HEPH: variants seen among roughly 807,000 people sequenced by gnomAD.
HEPH encodes hephaestin.
In HEPH, 69 loss-of-function variants were observed where a neutral mutation model predicts 80.8. The ratio of observed to expected loss-of-function variants is 0.85; its 90% CI spans 0.70 to 1.04. The LOEUF is 1.04. HEPH is among the 50% of genes least tolerant of loss of function. The probability of loss-of-function intolerance (pLI) is 0.00; values close to 1 mark genes in which losing one functional copy is unlikely to be tolerated. For missense variants in HEPH, 1,115 were observed against 891.3 expected, an observed-to-expected ratio of 1.25 and a Z score of -3.20; for synonymous variants, 431 against 322.8, an observed-to-expected ratio of 1.34 and a Z score of -3.60.
chrX:66,260,051 A>AT (rs759904763), intron 18 of HEPH, 49 bp from the exon 19 acceptor site: 2 of 1,147,000 alleles, frequency 1.7e-6, no homozygotes, highest in South Asian at 3.7e-5. Context: ...CTCTAAGATG[A>AT]TTTTTATACC....
intron 4 of HEPH, among the ~76,000 whole-genome samples, chrX:66,181,147 C>T (rs202074964): frequency 5.6e-5 from 1 of 17,784 alleles, no homozygotes; most frequent in African/African-American, 5.8e-4. Flanking sequence ...TGAATAGTGC[C>T]GCAATAAACA....
intron 15 of HEPH, among the ~76,000 whole-genome samples, chrX:66,251,079 T>C (rs1447649781): frequency 2.7e-5 from 3 of 111,956 alleles, no homozygotes; most frequent in Non-Finnish European, 5.6e-5. Context: ...AGATAGGTTT[T>C]GCCATGTTAG....
At chrX:66,250,657 G>A (rs1457722898) in intron 15 of HEPH, among the ~76,000 whole-genome samples, 1 of 111,338 alleles carries the variant, frequency 9.0e-6, no homozygotes, top group Admixed American at 9.6e-5. Context: ...TATATAAATG[G>A]AATAATACAG....
chrX:66,245,836 C>T (rs1452365771), intron 15 of HEPH, among the ~76,000 whole-genome samples: 30 of 112,352 alleles, frequency 2.7e-4, no homozygotes, highest in Admixed American at 2.5e-3. Context: ...TCACTCAAAA[C>T]CGCTCAACTA....
chrX:66,206,805 C>G (rs1286154995), intron 13 of HEPH, among the ~76,000 whole-genome samples: 1 of 109,918 alleles, frequency 9.1e-6, no homozygotes, highest in Non-Finnish European at 1.9e-5. Flanking sequence ...CATCTGAGGT[C>G]AGGAGTTCAA....
At chrX:66,239,014 G>C (rs1349956812) in intron 15 of HEPH, among the ~76,000 whole-genome samples, 1 of 112,418 alleles carries the variant, frequency 8.9e-6, no homozygotes. Context: ...GGGTGGGCCA[G>C]GTGTTCCTTG....
intron 4 of HEPH, among the ~76,000 whole-genome samples, chrX:66,178,677 G>T (rs1417382816): frequency 6.2e-5 from 7 of 112,165 alleles, no homozygotes; most frequent in African/African-American, 9.7e-5. Context: ...GTTTTGATTT[G>T]CATTTCTCTG....
chrX:66,196,310 A>C lies in HEPH; in HGVS notation c.1501+1081A>C, dbSNP rs754264045. Among the ~76,000 whole-genome samples the C allele has an allele frequency of 7.2e-5, 8 of 111,232 alleles. No homozygotes were observed. The East Asian group carries it at 2.3e-3, about 31-fold the overall frequency. The stretch of plus-strand genomic sequence containing the variant: ...TGTGTGTAGATGTATATACACATAG[A>C]GTAGATAAATAAAGATGGCAAAATG... On this transcript the variant is annotated intron_variant, in intron 9 of 20. Transcript: ENST00000343002.
At chrX:66,246,412 A>T (rs1478099247) in intron 15 of HEPH, among the ~76,000 whole-genome samples, 1 of 111,284 alleles carries the variant, frequency 9.0e-6, no homozygotes, top group Non-Finnish European at 1.9e-5. Flanking sequence ...CTGTCTGATG[A>T]GGGGCAGTAG....
chrX:66,235,426 T>C lies in HEPH; in HGVS notation c.2564-19609T>C, dbSNP rs771352184. On this transcript the variant is annotated intron_variant, in intron 15 of 20. Transcript: ENST00000343002. ...AGTCTTCTGCATATGGCTAGTGAGT[T>C]ATCCTAGCACCATTTATTCAATTAG... Among the ~76,000 whole-genome samples the C allele has an allele frequency of 5.3e-5, 6 of 112,230 alleles. No homozygotes were observed. The South Asian group carries it at 2.2e-3, about 42-fold the overall frequency.
chrX:66,238,524 G>T (rs1185856130), intron 15 of HEPH, among the ~76,000 whole-genome samples: 2 of 111,096 alleles, frequency 1.8e-5, no homozygotes, highest in Non-Finnish European at 3.8e-5. Flanking sequence ...CAGCCTGCAT[G>T]ACAAAGTGAG....
Position 66,238,143 on chromosome X carries a change from G to T in HEPH, c.2564-16892G>T, listed in dbSNP as rs777164850. Among the ~76,000 whole-genome samples, 28 of 111,445 alleles carry T rather than the reference G, an allele frequency of 2.5e-4. No individual in the cohort carries two copies. The South Asian group carries it at 0.011, about 42-fold the overall frequency. On this transcript the variant is annotated intron_variant, in intron 15 of 20. Transcript: ENST00000343002. ...TTCAAGGTTAGTATAGGTATGTGTG[G>T]ATTTGAATCTGTCATCATATTAGCT...
intron 4 of HEPH, among the ~76,000 whole-genome samples, chrX:66,187,047 C>T (rs907923152): frequency 3.9e-4 from 43 of 111,045 alleles, no homozygotes; most frequent in Admixed American, 3.4e-3. Context: ...TTTTGCATTT[C>T]TATAAGTGTG....
rs766241597 is a variant in HEPH at position 66,172,563 on chromosome X, C to T, written c.376C>T (p.His126Tyr). Residue 126 changes from histidine (H) to tyrosine (Y), a missense_variant, in exon 3 of 21, where the codon CAC becomes TAC. Physicochemically the swap from His to Tyr is moderately conservative, Grantham distance 83. This residue lies in a region of HEPH where 391 missense variants were observed against 343.6 expected (regional missense o/e 1.14). Transcript: ENST00000343002. ...KNFATRPYTIHPHGVFYEKDS... is the reference protein window; with the variant it reads ...KNFATRPYTIYPHGVFYEKDS... ...TTTTGCCACTCGTCCCTATACCATC[C>T]ACCCTCATGGTGTCTTCTACGAGAA... The T allele has an allele frequency of 1.7e-6, 2 of 1,194,986 alleles. No homozygotes were observed. The highest frequency in any genetic ancestry group is 3.5e-5 in the African/African-American group (2 of 56,899).
chrX:66,189,154 G>T (rs1313530851), intron 5 of HEPH, among the ~76,000 whole-genome samples: 1 of 112,323 alleles, frequency 8.9e-6, no homozygotes, highest in Non-Finnish European at 1.9e-5. Context: ...GGCCATTCAT[G>T]ACAGGGGTGG....
chrX:66,236,354 T>G (rs1263037556), intron 15 of HEPH, among the ~76,000 whole-genome samples: 1 of 112,003 alleles, frequency 8.9e-6, no homozygotes, highest in Non-Finnish European at 1.9e-5. Context: ...AAGCCTTTCC[T>G]GCATCTATTG....
At position 66,260,151 on chromosome X, in the gene HEPH, G is replaced by A; in HGVS notation, c.3088G>A (p.Glu1030Lys). ...GGTGGATCTGTTCCCAGGGACTTTT[G>A]AGGTTGTGGAGATGGTGGCCAGCAA... The part of the protein sequence containing the change: ...DVVDLFPGTF[E>K]VVEMVASNPG... Residue 1030 changes from glutamate to lysine, a missense_variant, in exon 19 of 21, where the codon GAG (glutamate) becomes AAG (lysine). Coordinates refer to ENST00000343002, the MANE Select transcript of HEPH (RefSeq NM_001367233.3). 8.3e-7 allele frequency: 1 copy of A among 1,207,473 alleles called. No individual in the cohort carries two copies. Among genetic ancestry groups the A allele is most frequent in the Non-Finnish European group, 1.1e-6 (1 of 892,127 alleles).
At chrX:66,258,727 T>C (rs2091260889) in intron 17 of HEPH, 113 bp from the exon 18 acceptor site, 2 of 533,510 alleles carry the variant, frequency 3.7e-6, no homozygotes, top group Admixed American at 9.7e-5. Context: ...TAGAAGCCCA[T>C]TGCTATCTTC....
intron 15 of HEPH, among the ~76,000 whole-genome samples, chrX:66,228,386 A>G (rs2089979545): frequency 1.8e-5 from 2 of 112,765 alleles, no homozygotes; most frequent in Admixed American, 9.4e-5. Context: ...TCAACTCAAG[A>G]TGGATCAAAG....
Sources: allele counts gnomAD v4.1 joint callset (sites outside exome capture counted in the v4.1 genomes callset), GRCh38; gene constraint gnomAD v4.1.1; regional missense constraint gnomAD v4.1.1; transcripts MANE v1.5; gene names NCBI Gene and HGNC (gene_info 2026-07-23, HGNC 2026-07-21).